The following NRXN3 variants were observed in gnomAD, a reference collection of about 807,000 sequenced individuals.
The protein encoded by NRXN3 is neurexin 3, also known as neurexin III.
A neutral mutation model predicts 137.6 loss-of-function variants in NRXN3; 32 were observed. That is an observed-to-expected ratio of 0.23 (90% CI 0.18 to 0.31). NRXN3 has a LOEUF of 0.31. Ranked by LOEUF, NRXN3 falls within the 10% of genes least tolerant of loss-of-function variation. The pLI, the probability that NRXN3 is intolerant of heterozygous loss-of-function variation, is 1.00. For missense variants in NRXN3, 1,574 were observed against 2,062.5 expected (o/e 0.76, Z 4.59); for synonymous variants, 798 against 784.5 (o/e 1.02, Z -0.29).
At chr14:78,873,262 T>A (rs1470471938) in intron 10 of NRXN3, among the ~76,000 whole-genome samples, 1 of 152,104 alleles carries the variant, frequency 6.6e-6, no homozygotes, top group African/African-American at 2.4e-5. Context: ...TCTCCTCTGC[T>A]ATTGTCTTTT....
At chr14:79,555,019 G>A (rs1169728300) in intron 16 of NRXN3, among the ~76,000 whole-genome samples, 1 of 152,138 alleles carries the variant, frequency 6.6e-6, no homozygotes, top group Admixed American at 6.6e-5. Context: ...GGGGTGTCAA[G>A]AGTGAAACAT....
chr14:78,545,771 A>C (rs557003190), intron 4 of NRXN3, among the ~76,000 whole-genome samples: 1 of 152,326 alleles, frequency 6.6e-6, no homozygotes, highest in South Asian at 2.1e-4. Context: ...GCTGTGTGCC[A>C]CTTTGCAATC....
At chr14:78,342,405 GTGCCAAGAT>G (rs1213725787) in intron 4 of NRXN3, among the ~76,000 whole-genome samples, 1 of 152,164 alleles carries the variant, frequency 6.6e-6, no homozygotes, top group African/African-American at 2.4e-5. Context: ...CTGTAATTAG[GTGCCAAGAT>G]TGCCGAGGGT....
intron 8 of NRXN3, among the ~76,000 whole-genome samples, chr14:78,735,689 C>T (rs553703645): frequency 6.6e-6 from 1 of 152,110 alleles, no homozygotes; most frequent in South Asian, 2.1e-4. Context: ...CAATTCTTAT[C>T]CTCTTCTCTC....
At chr14:79,027,124 T>C (rs1011498929) in intron 15 of NRXN3, among the ~76,000 whole-genome samples, 2 of 151,104 alleles carry the variant, frequency 1.3e-5, no homozygotes, top group African/African-American at 4.8e-5. Flanking sequence ...AGCCTATATC[T>C]GTAGATATTT....
chr14:79,452,964 G>A (rs1386693754), intron 15 of NRXN3, among the ~76,000 whole-genome samples: 5 of 152,018 alleles, frequency 3.3e-5, no homozygotes, highest in African/African-American at 1.2e-4. Context: ...CATGATAAAA[G>A]GTAATAAATA....
At chr14:78,486,008 A>G (rs1206627958) in intron 4 of NRXN3, among the ~76,000 whole-genome samples, 4 of 152,226 alleles carry the variant, frequency 2.6e-5, no homozygotes, top group African/African-American at 9.6e-5. Context: ...GTGATTTGGA[A>G]ATAATAACAA....
intron 6 of NRXN3, among the ~76,000 whole-genome samples, chr14:78,657,385 C>G (rs1025955076): frequency 6.6e-6 from 1 of 152,194 alleles, no homozygotes; most frequent in East Asian, 1.9e-4. Flanking sequence ...TCCACACCAT[C>G]CTCTTTTCTC....
chr14:79,280,612 C>A, intron 15 of NRXN3: 1 of 1,362,886 alleles, frequency 7.3e-7, no homozygotes, highest in Non-Finnish European at 1.0e-6. Context: ...CAGGTAGTGT[C>A]AAAGGTGGGA....
At chr14:79,768,731 G>A (rs895461095) in intron 19 of NRXN3, among the ~76,000 whole-genome samples, 45 of 152,208 alleles carry the variant, frequency 3.0e-4, no homozygotes, top group African/African-American at 9.9e-4. Context: ...CTCCTCCAAA[G>A]GAATGCAGTT....
chr14:79,741,448 AAT>A (rs1186385891), intron 19 of NRXN3, among the ~76,000 whole-genome samples: 1 of 114,798 alleles, frequency 8.7e-6, no homozygotes, highest in East Asian at 2.1e-4. Flanking sequence ...TGTAAGTTGA[AAT>A]ATGTGTGTGT....
chr14:79,573,724 T>A (rs1722033728), intron 16 of NRXN3, among the ~76,000 whole-genome samples: 1 of 152,156 alleles, frequency 6.6e-6, no homozygotes, highest in African/African-American at 2.4e-5. Flanking sequence ...AAGACTTATA[T>A]ATAATAATGA....
intron 4 of NRXN3, among the ~76,000 whole-genome samples, chr14:78,446,732 G>A (rs982358661): frequency 5.9e-5 from 9 of 152,204 alleles, no homozygotes; most frequent in Non-Finnish European, 8.8e-5. Context: ...GACTTTAACA[G>A]GTGAAGAATG....
chr14:78,507,759 T>C (rs1177016552), intron 4 of NRXN3, among the ~76,000 whole-genome samples: 1 of 152,172 alleles, frequency 6.6e-6, no homozygotes, highest in Non-Finnish European at 1.5e-5. Flanking sequence ...CACTGATATA[T>C]TAAAATAAAT....
chr14:79,273,556 C>T (rs996387595), intron 15 of NRXN3, among the ~76,000 whole-genome samples: 36 of 152,116 alleles, frequency 2.4e-4, no homozygotes, highest in African/African-American at 7.2e-4. Flanking sequence ...ATGGCATGAA[C>T]CCAGGAGGCG....
chr14:78,380,074 T>G (rs1047752491), intron 4 of NRXN3, among the ~76,000 whole-genome samples: 1 of 151,858 alleles, frequency 6.6e-6, no homozygotes, highest in African/African-American at 2.4e-5. Context: ...CTAAAAGAAA[T>G]AAAATCTAAA....
intron 16 of NRXN3, among the ~76,000 whole-genome samples, chr14:79,474,314 T>G (rs1443539927): frequency 6.6e-6 from 1 of 152,154 alleles, no homozygotes; most frequent in Non-Finnish European, 1.5e-5. Context: ...TAATGGAGAA[T>G]GGTGGTTTTC....
Position 79,622,483 on chromosome 14 carries a change from G to T in NRXN3, c.3445-41295G>T, listed in dbSNP as rs1308412271. Among the ~76,000 whole-genome samples the T allele has an allele frequency of 1.3e-5, 2 of 152,168 alleles. 1 individual carries two copies. Among genetic ancestry groups the T allele is most frequent in the African/African-American group, 4.8e-5 (2 of 41,416 alleles). ...ATAATTATTGTACCTGTATGACAGGGTCAATGAAAGGTTAAATGAGTGAAG... is the reference window on the plus strand; with the variant it reads ...ATAATTATTGTACCTGTATGACAGGTTCAATGAAAGGTTAAATGAGTGAAG... On this transcript the variant is annotated intron_variant, in intron 16 of 20. Coordinates refer to ENST00000335750, the MANE Select transcript of NRXN3 (RefSeq NM_001330195.2).
intron 15 of NRXN3, among the ~76,000 whole-genome samples, chr14:79,013,574 C>A (rs1470807339): frequency 2.0e-5 from 3 of 152,134 alleles, no homozygotes; most frequent in Admixed American, 6.5e-5. Context: ...TTACCAGTCA[C>A]CTTGTTGATT....
Sources: allele counts gnomAD v4.1 joint callset (sites outside exome capture counted in the v4.1 genomes callset), GRCh38; gene constraint gnomAD v4.1.1; transcripts MANE v1.5; gene names NCBI Gene and HGNC (gene_info 2026-07-23, HGNC 2026-07-21).